The following RAD54B variants were observed in gnomAD, a reference collection of about 807,000 sequenced individuals.
The protein encoded by RAD54B is RAD54 homolog B.
RAD54B carries 78 observed loss-of-function variants against 95.8 expected under a neutral mutation model. The ratio of observed to expected loss-of-function variants is 0.81; its 90% CI spans 0.68 to 0.98. The LOEUF is 0.98. Among genes scored for constraint, RAD54B ranks in the 50% least tolerant of loss-of-function variants. The pLI, the probability that RAD54B is intolerant of heterozygous loss-of-function variation, is 0.00. For synonymous variants in RAD54B, 328 were observed against 354.9 expected (o/e 0.92, Z 0.85); for missense variants, 957 against 1,056.6 (o/e 0.91, Z 1.31).
At position 94,404,141 on chromosome 8, in the gene RAD54B, A is replaced by G; in HGVS notation, c.880T>C (p.Tyr294His). The change falls in exon 6 of 15, where the codon TAT becomes CAT. Residue 294 changes from tyrosine (Y) to histidine (H), a missense_variant. Tyr to His is a moderately conservative substitution (Grantham distance 83). Coordinates refer to ENST00000336148, the MANE Select transcript of RAD54B (RefSeq NM_012415.3). Reference sequence around the variant, plus strand: ...TCTTTCTGATGTGGTCGAAGATGATATACAAGGTAAGGATCAATCACTACA... The same window carrying G: ...TCTTTCTGATGTGGTCGAAGATGATGTACAAGGTAAGGATCAATCACTACA... Reference protein sequence around the residue: ...VDVVIDPYLVYHLRPHQKEGI... With the variant: ...VDVVIDPYLVHHLRPHQKEGI... The G allele has an allele frequency of 6.2e-7, 1 of 1,611,180 alleles. No homozygotes were observed. Among genetic ancestry groups the G allele is most frequent in the Non-Finnish European group, 8.5e-7 (1 of 1,177,820 alleles).
In RAD54B at chr8:94,460,932, G is replaced by C. The variant is rs569704118; in HGVS notation, c.136-2496C>G. ...TCTAAGGACACTTATAATTATAATG[G>C]GCCCACTCAGATCATCCAGGGTAAC... is the stretch of plus-strand genomic sequence containing the variant. On this transcript the variant is annotated intron_variant, in intron 2 of 14. Transcript: ENST00000336148. 4.6e-5 allele frequency among the ~76,000 whole-genome samples: 7 copies of C among 151,462 alleles called. No individual in the cohort carries two copies. In the East Asian group the frequency reaches 9.7e-4, roughly 21 times the overall value.
In RAD54B at chr8:94,407,658, C is replaced by G. The variant is rs1334001142; in HGVS notation, c.562G>C (p.Gly188Arg). The G allele has an allele frequency of 6.2e-7, 1 of 1,613,894 alleles. No individual in the cohort carries two copies. Among genetic ancestry groups the G allele is most frequent in the Non-Finnish European group, 8.5e-7 (1 of 1,179,890 alleles). Reference protein sequence around the residue: ...IEEGQTLMICGKEIEVMGVIS... With the variant: ...IEEGQTLMICRKEIEVMGVIS... ...ACACCCATGACTTCTATTTCTTTTCCACAAATCATCAGTGTTTGGCCCTCT... is the reference window on the plus strand; with the variant it reads ...ACACCCATGACTTCTATTTCTTTTCGACAAATCATCAGTGTTTGGCCCTCT... The change falls in exon 5 of 15, where the codon GGA (glycine) becomes CGA (arginine). Residue 188 changes from glycine to arginine, a missense_variant. Gly to Arg is a moderately radical substitution (Grantham distance 125). Coordinates refer to ENST00000336148, the MANE Select transcript of RAD54B (RefSeq NM_012415.3).
At chr8:94,376,134 C>T (rs1357797173) in intron 14 of RAD54B, among the ~76,000 whole-genome samples, 2 of 152,020 alleles carry the variant, frequency 1.3e-5, no homozygotes, top group Non-Finnish European at 2.9e-5. Context: ...GATTTCCATG[C>T]ACAAAACAAA....
chr8:94,448,213 G>GT (rs767954590), intron 3 of RAD54B, among the ~76,000 whole-genome samples: 14 of 151,506 alleles, frequency 9.2e-5, no homozygotes, highest in African/African-American at 9.7e-5. Context: ...ATAGTTTTGG[G>GT]TTTTTTTTGT....
intron 3 of RAD54B, among the ~76,000 whole-genome samples, chr8:94,442,265 G>T (rs1228052043): frequency 2.0e-5 from 3 of 152,128 alleles, no homozygotes; most frequent in African/African-American, 7.2e-5. Flanking sequence ...AGAGAGGTTG[G>T]TTAATGGGTA....
intron 3 of RAD54B, among the ~76,000 whole-genome samples, chr8:94,448,831 C>T (rs1386408423): frequency 6.6e-6 from 1 of 151,728 alleles, no homozygotes; most frequent in Admixed American, 6.6e-5. Context: ...TGGATATGTA[C>T]GATGAACAAG....
intron 10 of RAD54B, among the ~76,000 whole-genome samples, chr8:94,388,639 G>A (rs976468963): frequency 2.6e-5 from 4 of 152,108 alleles, no homozygotes; most frequent in Admixed American, 2.0e-4. Flanking sequence ...ACACTTTAAG[G>A]GCAGTGAATC....
At chr8:94,436,152 GAAA>G (rs943875639) in intron 3 of RAD54B, among the ~76,000 whole-genome samples, 7 of 151,690 alleles carry the variant, frequency 4.6e-5, no homozygotes, top group African/African-American at 1.7e-4. Flanking sequence ...TCTTAAATGA[GAAA>G]AAAAGTATCT....
chr8:94,435,919 C>A (rs1400885746), intron 3 of RAD54B, among the ~76,000 whole-genome samples: 1 of 152,038 alleles, frequency 6.6e-6, no homozygotes, highest in Non-Finnish European at 1.5e-5. Context: ...TAGTTGTGTT[C>A]ATCTTTATTT....
At position 94,475,060 on chromosome 8, in the gene RAD54B, TC is replaced by T. The variant is rs1333452343; in HGVS notation, c.-77del. 2.0e-5 allele frequency: 3 copies of T among 152,276 alleles called. No individual in the cohort carries two copies. Among genetic ancestry groups the T allele is most frequent in the African/African-American group, 7.2e-5 (3 of 41,446 alleles). The allele number at this position is 152,276 out of a possible 1,614,324, so 9.4% of individuals were successfully genotyped here. A position where few individuals can be genotyped will look rare whatever the true frequency, so the allele number is the denominator to read the frequency against. On this transcript the variant is annotated 5_prime_UTR_variant, in exon 1 of 15. Transcript: ENST00000336148. ...AAGAAGTCCTTCTGGTAACCAGCTA[TC>T]CCCTCGCCGCCGGAGAAGCTCAAGG...
chr8:94,448,070 A>G (rs965868288), intron 3 of RAD54B, among the ~76,000 whole-genome samples: 1 of 152,056 alleles, frequency 6.6e-6, no homozygotes, highest in Non-Finnish European at 1.5e-5. Flanking sequence ...TTCTTTGCCT[A>G]TGTTACCTTG....
intron 1 of RAD54B, among the ~76,000 whole-genome samples, chr8:94,471,469 G>A (rs1813170770): frequency 1.3e-5 from 2 of 152,052 alleles, no homozygotes; most frequent in Admixed American, 1.3e-4. Flanking sequence ...GGAGGTGATA[G>A]AAATAATCTA....
chr8:94,450,778 G>A (rs1469287268), intron 3 of RAD54B, among the ~76,000 whole-genome samples: 1 of 151,768 alleles, frequency 6.6e-6, no homozygotes, highest in African/African-American at 2.4e-5. Context: ...TACGTGGGAG[G>A]CTGAGGAACA....
chr8:94,382,458 G>C (rs1297655713), intron 11 of RAD54B, among the ~76,000 whole-genome samples: 1 of 152,080 alleles, frequency 6.6e-6, no homozygotes, highest in Non-Finnish European at 1.5e-5. Context: ...TGCTAGTGTA[G>C]AATAAAGACA....
In RAD54B at chr8:94,378,340, C is replaced by T. The variant is rs1367580696; in HGVS notation, c.2355G>A (p.Lys785=). 3.7e-6 allele frequency: 6 copies of T among 1,613,782 alleles called. No individual in the cohort carries two copies. Among genetic ancestry groups the T allele is most frequent in the Non-Finnish European group, 4.2e-6 (5 of 1,179,942 alleles). The change falls in exon 14 of 15, where the codon AAG becomes AAA. Residue 785 remains lysine, a synonymous_variant. Coordinates refer to ENST00000336148, the MANE Select transcript of RAD54B (RefSeq NM_012415.3). ...CGACAACTGCCCCACAAAGACCTTG[C>T]TTACTGATCTGCCTTTGATAGATCT... The part of the protein sequence containing the change: ...EEKIYQRQIS[K]QGLCGAVVDL...
intron 3 of RAD54B, among the ~76,000 whole-genome samples, chr8:94,445,231 GGGTA>G (rs1265933123): frequency 2.6e-5 from 4 of 152,088 alleles, no homozygotes; most frequent in African/African-American, 9.7e-5. Context: ...CTATTTTAAA[GGGTA>G]CTAATCGCAT....
intron 10 of RAD54B, among the ~76,000 whole-genome samples, chr8:94,389,954 G>A (rs760618598): frequency 2.7e-4 from 41 of 152,148 alleles, no homozygotes; most frequent in Non-Finnish European, 4.6e-4. Context: ...GCCATCATAA[G>A]GTCTTCCTTT....
At chr8:94,442,378 C>G (rs952371665) in intron 3 of RAD54B, among the ~76,000 whole-genome samples, 2 of 152,184 alleles carry the variant, frequency 1.3e-5, no homozygotes, top group African/African-American at 4.8e-5. Flanking sequence ...CAAGACCATC[C>G]TGGCTAACAT....
At chr8:94,395,182 G>A (rs1230975745) in intron 8 of RAD54B, among the ~76,000 whole-genome samples, 2 of 152,068 alleles carry the variant, frequency 1.3e-5, no homozygotes, top group African/African-American at 4.8e-5. Context: ...CCCCTCCTTT[G>A]CAAATGACTG....
Sources: allele counts gnomAD v4.1 joint callset (sites outside exome capture counted in the v4.1 genomes callset), GRCh38; gene constraint gnomAD v4.1.1; transcripts MANE v1.5; gene names NCBI Gene and HGNC (gene_info 2026-07-23, HGNC 2026-07-21).